Variants in MSRA observed in about 807,000 individuals in gnomAD.
The protein encoded by MSRA is mitochondrial peptide methionine sulfoxide reductase.
Under a neutral mutation model 31.3 loss-of-function variants are expected in MSRA, and 54 were observed. That is an observed-to-expected ratio of 1.73 (90% CI 1.39 to 2.17). MSRA has a LOEUF of 2.17. Among genes scored for constraint, MSRA ranks in the 30% most tolerant of loss-of-function variants. The probability of loss-of-function intolerance (pLI) is 0.00; values close to 1 mark genes in which losing one functional copy is unlikely to be tolerated. For missense variants in MSRA, 507 were observed against 300.9 expected, an observed-to-expected ratio of 1.69 and a Z score of -5.07; for synonymous variants, 169 against 116.5, an observed-to-expected ratio of 1.45 and a Z score of -2.90.
intron 1 of MSRA, among the ~76,000 whole-genome samples, chr8:10,131,511 G>C (rs1366556942): frequency 6.6e-6 from 1 of 152,184 alleles, no homozygotes; most frequent in Non-Finnish European, 1.5e-5. Context: ...AATAGCTAAG[G>C]TTAGCAGGTT....
rs1396936184 is a variant in MSRA at position 10,337,782 on chromosome 8, A to G, written c.543+17793A>G. The G allele has an allele frequency of 4.3e-6, 3 of 702,654 alleles. No individual in the cohort carries two copies. The Admixed American group carries it at 6.0e-5, about 14-fold the overall frequency. The allele number at this position is 702,654 out of a possible 1,614,324, so 43.5% of individuals were successfully genotyped here. ...TCCTCTGCTCAACTCGCCTGGGTGC[A>G]GCCATCTTCAAGAAAACATTATTAA... On this transcript the variant is annotated intron_variant, in intron 5 of 5. Coordinates refer to ENST00000317173, the MANE Select transcript of MSRA (RefSeq NM_012331.5).
chr8:10,055,771 T>G (rs1802324792), intron 1 of MSRA, among the ~76,000 whole-genome samples: 1 of 152,258 alleles, frequency 6.6e-6, no homozygotes, highest in South Asian at 2.1e-4. Flanking sequence ...GAGGTCATAT[T>G]GAGAGTTTGT....
intron 1 of MSRA, among the ~76,000 whole-genome samples, chr8:10,137,273 C>T (rs573323976): frequency 6.6e-6 from 1 of 152,254 alleles, no homozygotes; most frequent in Non-Finnish European, 1.5e-5. Context: ...TGGTTTTCTG[C>T]ATTTGTGTAA....
At chr8:10,279,757 C>G (rs1339311054) in intron 3 of MSRA, among the ~76,000 whole-genome samples, 5 of 152,172 alleles carry the variant, frequency 3.3e-5, no homozygotes, top group African/African-American at 1.2e-4. Context: ...CCATGCTGCT[C>G]TTCTTTTGAG....
chr8:10,199,145 G>A (rs1014707588), intron 1 of MSRA, among the ~76,000 whole-genome samples: 1 of 152,132 alleles, frequency 6.6e-6, no homozygotes, highest in African/African-American at 2.4e-5. Context: ...TGCTTTGGGA[G>A]CCTGGAGAAA....
At chr8:10,202,509 G>A (rs1160560991) in intron 1 of MSRA, among the ~76,000 whole-genome samples, 1 of 152,156 alleles carries the variant, frequency 6.6e-6, no homozygotes, top group Non-Finnish European at 1.5e-5. Context: ...ACCAGCAATG[G>A]CAAAATGATT....
At chr8:10,269,872 C>A (rs1016173264) in intron 3 of MSRA, among the ~76,000 whole-genome samples, 5 of 152,010 alleles carry the variant, frequency 3.3e-5, no homozygotes, top group African/African-American at 1.2e-4. Context: ...AGGATGGTCT[C>A]GATCTCCTGA....
At chr8:10,141,022 G>C (rs765590626) in intron 1 of MSRA, among the ~76,000 whole-genome samples, 2 of 152,174 alleles carry the variant, frequency 1.3e-5, no homozygotes, top group African/African-American at 4.8e-5. Context: ...GCAAATACTG[G>C]TGTAACATAA....
chr8:10,064,235 C>T (rs1249653618), intron 1 of MSRA, among the ~76,000 whole-genome samples: 5 of 152,200 alleles, frequency 3.3e-5, no homozygotes, highest in Non-Finnish European at 7.3e-5. Flanking sequence ...TACTCGATGA[C>T]TTTGACTCAT....
chr8:10,359,545 C>T (rs1188786036), intron 5 of MSRA, among the ~76,000 whole-genome samples: 2 of 152,186 alleles, frequency 1.3e-5, no homozygotes, highest in African/African-American at 4.8e-5. Context: ...CTCTCCTTCT[C>T]CACCTCCTCC....
chr8:10,328,312 A>G (rs1402781662), intron 5 of MSRA, among the ~76,000 whole-genome samples: 1 of 140,452 alleles, frequency 7.1e-6, no homozygotes, highest in Non-Finnish European at 1.5e-5. Flanking sequence ...TAACTAAGCA[A>G]GATCCTCAGA....
intron 1 of MSRA, among the ~76,000 whole-genome samples, chr8:10,111,531 G>A (rs190934852): frequency 6.6e-6 from 1 of 152,158 alleles, no homozygotes; most frequent in African/African-American, 2.4e-5. Flanking sequence ...ATCATAGGGA[G>A]GGACCATCAG....
chr8:10,374,374 G>T (rs952788314), intron 5 of MSRA, among the ~76,000 whole-genome samples: 3 of 152,122 alleles, frequency 2.0e-5, no homozygotes, highest in Admixed American at 2.0e-4. Context: ...GTGCTGTACG[G>T]GAGAGGTGAT....
rs145273194 is a variant in MSRA, at chr8:10,132,913, A to G, written c.143-74920A>G. On this transcript the variant is annotated intron_variant, in intron 1 of 5. Coordinates refer to ENST00000317173, the MANE Select transcript of MSRA (RefSeq NM_012331.5). ...AAGAACGAGTCTTGGCCATTTGCAT[A>G]CTGACACTTGGGCTAGCAGGCCAGA... Among the ~76,000 whole-genome samples the G allele has an allele frequency of 2.8e-3, 431 of 152,360 alleles. 1 individual carries two copies. The highest frequency in any genetic ancestry group is 4.8e-3 in the Non-Finnish European group (327 of 68,034).
chr8:10,344,130 A>G (rs1803618592), intron 5 of MSRA, among the ~76,000 whole-genome samples: 1 of 152,192 alleles, frequency 6.6e-6, no homozygotes, highest in Non-Finnish European at 1.5e-5. Context: ...GTATCACCCA[A>G]AAGATACTGG....
chr8:10,296,546 TGA>T lies in MSRA; in HGVS notation c.332-4987_332-4986del, dbSNP rs372775382. Among the ~76,000 whole-genome samples, 383 of 152,358 alleles carry T rather than the reference TGA, an allele frequency of 2.5e-3. 1 individual carries two copies. The highest frequency in any genetic ancestry group is 0.016 in the South Asian group (76 of 4,826). On this transcript the variant is annotated intron_variant, in intron 3 of 5. Coordinates refer to ENST00000317173, the MANE Select transcript of MSRA (RefSeq NM_012331.5). ...GAATGATGGTTTAAGCTACTTCTTGTGACTTCTATTCCAATTTTCCCCATGTC... is the reference window on the plus strand; with the variant it reads ...GAATGATGGTTTAAGCTACTTCTTGTCTTCTATTCCAATTTTCCCCATGTC...
intron 5 of MSRA, among the ~76,000 whole-genome samples, chr8:10,361,774 T>G (rs1804860325): frequency 6.6e-6 from 1 of 152,226 alleles, no homozygotes; most frequent in South Asian, 2.1e-4. Context: ...GAAAATCACT[T>G]AATAAATATA....
At chr8:10,345,560 C>T (rs975773853) in intron 5 of MSRA, among the ~76,000 whole-genome samples, 2 of 152,152 alleles carry the variant, frequency 1.3e-5, no homozygotes, top group Admixed American at 1.3e-4. Context: ...TTGGAAGAAT[C>T]TTCAAAGTGG....
At chr8:10,345,787 T>C (rs1290981233) in intron 5 of MSRA, among the ~76,000 whole-genome samples, 4 of 152,204 alleles carry the variant, frequency 2.6e-5, no homozygotes, top group African/African-American at 9.6e-5. Context: ...TGTGTTTGCA[T>C]GAAACTAAAG....
Sources: gnomAD v4.1 joint callset for allele counts (sites outside exome capture counted in the v4.1 genomes callset) on GRCh38, gnomAD v4.1.1 for gene constraint, MANE v1.5 for transcripts, NCBI Gene and HGNC (gene_info 2026-07-23, HGNC 2026-07-21) for gene names.